Variants in AP2B1 observed in about 807,000 individuals in gnomAD.
AP2B1 encodes adaptor related protein complex 2 subunit beta 1, also known as AP-2 complex subunit beta.
AP2B1 carries 23 observed loss-of-function variants against 102.0 expected under a neutral mutation model. The observed-to-expected ratio is 0.23, with a 90% confidence interval of 0.16 to 0.32. The LOEUF is 0.32. Ranked by LOEUF, AP2B1 falls within the 10% of genes least tolerant of loss-of-function variation. The pLI is 1.00. For synonymous variants in AP2B1, 381 were observed against 421.2 expected (o/e 0.90, Z 1.17); for missense variants, 541 against 1,157.4 (o/e 0.47, Z 7.73).
chr17:35,620,771 C>T (rs2074153168), intron 5 of AP2B1, among the ~76,000 whole-genome samples: 1 of 152,038 alleles, frequency 6.6e-6, no homozygotes, highest in Admixed American at 6.6e-5. Context: ...GAGCTGTGAT[C>T]AGTGCGACTG....
At chr17:35,662,793 C>T (rs1025586822) in intron 14 of AP2B1, among the ~76,000 whole-genome samples, 1 of 152,152 alleles carries the variant, frequency 6.6e-6, no homozygotes, top group African/African-American at 2.4e-5. Context: ...GGCTAAATTA[C>T]AGCCTTTTGT....
chr17:35,628,869 G>A (rs2074387686), intron 9 of AP2B1, among the ~76,000 whole-genome samples: 1 of 151,756 alleles, frequency 6.6e-6, no homozygotes. Context: ...TGCATATTAC[G>A]ACTGTGTAAA....
intron 1 of AP2B1, among the ~76,000 whole-genome samples, chr17:35,593,449 T>TTAA (rs2073165582): frequency 6.6e-6 from 1 of 151,712 alleles, no homozygotes; most frequent in South Asian, 2.1e-4. Context: ...AACTAAAAAT[T>TTAA]AAAAAAATTC....
intron 3 of AP2B1, among the ~76,000 whole-genome samples, chr17:35,600,226 C>T (rs928590801): frequency 6.6e-6 from 1 of 151,646 alleles, no homozygotes; most frequent in Non-Finnish European, 1.5e-5. Flanking sequence ...GGATTACAGG[C>T]GTGCACCACT....
intron 5 of AP2B1, among the ~76,000 whole-genome samples, chr17:35,620,605 A>G (rs1286437418): frequency 6.6e-6 from 1 of 152,202 alleles, no homozygotes; most frequent in African/African-American, 2.4e-5. Context: ...ATTTGAGACC[A>G]GGAGTTCAAG....
At chr17:35,629,768 A>G (rs180987914) in intron 9 of AP2B1, among the ~76,000 whole-genome samples, 12 of 152,308 alleles carry the variant, frequency 7.9e-5, no homozygotes, top group Admixed American at 5.9e-4. Context: ...TTATCTTTAC[A>G]TGGAAGACCT....
intron 9 of AP2B1, among the ~76,000 whole-genome samples, chr17:35,635,016 T>C (rs1231745859): frequency 6.6e-6 from 1 of 152,012 alleles, no homozygotes; most frequent in Non-Finnish European, 1.5e-5. Context: ...TGATTGGATG[T>C]CACTCTACTT....
chr17:35,628,801 A>G (rs2074385118), intron 9 of AP2B1, among the ~76,000 whole-genome samples: 1 of 152,206 alleles, frequency 6.6e-6, no homozygotes, highest in Non-Finnish European at 1.5e-5. Context: ...TTATCATGGT[A>G]GATTGAAATA....
At chr17:35,688,683 A>T (rs1030420963) in intron 18 of AP2B1, among the ~76,000 whole-genome samples, 3 of 152,074 alleles carry the variant, frequency 2.0e-5, no homozygotes, top group African/African-American at 7.2e-5. Flanking sequence ...TGTTTATGGG[A>T]ACAGGCACAG....
rs1251044951 is a variant in AP2B1, at chr17:35,595,102, TA to T, written c.37+1036del. On this transcript the variant is annotated intron_variant, in intron 2 of 21. Coordinates refer to ENST00000610402, the MANE Select transcript of AP2B1 (RefSeq NM_001030006.2). ...CTCTTGTTGCAGTGAGTTGCTTAAT[TA>T]TGTCAGTTTGTTGTCTGTAGCTTTC... Among the ~76,000 whole-genome samples the T allele has an allele frequency of 2.0e-5, 3 of 152,196 alleles. No individual in the cohort carries two copies. The East Asian group carries it at 5.8e-4, about 29-fold the overall frequency.
chr17:35,719,937 A>G (rs2085307011), intron 21 of AP2B1, among the ~76,000 whole-genome samples: 1 of 152,240 alleles, frequency 6.6e-6, no homozygotes, highest in Admixed American at 6.5e-5. Context: ...ATACAAAGCA[A>G]GAGATTCAAA....
intron 14 of AP2B1, among the ~76,000 whole-genome samples, chr17:35,661,882 A>G (rs560559373): frequency 6.6e-6 from 1 of 152,324 alleles, no homozygotes; most frequent in East Asian, 1.9e-4. Context: ...TTTTCTTATT[A>G]GGTTGGAGCA....
chr17:35,609,383 G>C (rs2073788534), intron 5 of AP2B1, among the ~76,000 whole-genome samples: 1 of 140,882 alleles, frequency 7.1e-6, no homozygotes, highest in Admixed American at 7.4e-5. Flanking sequence ...GTCTTGCCTT[G>C]TCGCCCAGGC....
At chr17:35,596,931 C>T in intron 2 of AP2B1, 1 of 696,288 alleles carries the variant, frequency 1.4e-6, no homozygotes, top group South Asian at 1.4e-5. Context: ...ATGCCCTATG[C>T]CAGGAGGCCA....
chr17:35,675,039 G>C, intron 17 of AP2B1, among the ~76,000 whole-genome samples: 1 of 152,208 alleles, frequency 6.6e-6, no homozygotes, highest in East Asian at 1.9e-4. Context: ...GGGGAAATTA[G>C]CATATTTGGT....
At chr17:35,615,746 G>A (rs2073993136) in intron 5 of AP2B1, among the ~76,000 whole-genome samples, 1 of 152,120 alleles carries the variant, frequency 6.6e-6, no homozygotes, top group South Asian at 2.1e-4. Flanking sequence ...GTCCATGAAG[G>A]AGTTAGAGCT....
chr17:35,681,612 A>T (rs1178665611), intron 17 of AP2B1, among the ~76,000 whole-genome samples: 3 of 152,014 alleles, frequency 2.0e-5, no homozygotes, highest in Admixed American at 2.0e-4. Context: ...GGGGGTGGGC[A>T]GTAAAGACAC....
Position 35,641,638 on chromosome 17 carries a change from T to C in AP2B1, c.1438-239T>C, listed in dbSNP as rs79713914. Among the ~76,000 whole-genome samples the C allele has an allele frequency of 5.1e-4, 78 of 152,308 alleles. No homozygotes were observed. In the East Asian group the frequency reaches 0.014, roughly 27 times the overall value. On this transcript the variant is annotated intron_variant, in intron 11 of 21. Coordinates refer to ENST00000610402, the MANE Select transcript of AP2B1 (RefSeq NM_001030006.2). The stretch of plus-strand genomic sequence containing the variant: ...TGTCTTAGAAACAAGCAATATTTTG[T>C]GCCAAAAATGCATTTCGAGGTTAAA...
At chr17:35,593,021 T>C (rs908231690) in intron 1 of AP2B1, among the ~76,000 whole-genome samples, 1 of 152,152 alleles carries the variant, frequency 6.6e-6, no homozygotes, top group Non-Finnish European at 1.5e-5. Flanking sequence ...GAGTTAAGGT[T>C]GAGGTTGAGA....
Sources: gnomAD v4.1 joint callset for allele counts (sites outside exome capture counted in the v4.1 genomes callset) on GRCh38, gnomAD v4.1.1 for gene constraint, MANE v1.5 for transcripts, NCBI Gene and HGNC (gene_info 2026-07-23, HGNC 2026-07-21) for gene names.